Variants in NMT2 observed in about 807,000 individuals in gnomAD.
The protein encoded by NMT2 is N-myristoyltransferase 2.
NMT2 carries 35 observed loss-of-function variants against 65.4 expected under a neutral mutation model. The observed-to-expected ratio is 0.54, with a 90% CI of 0.41 to 0.71. The LOEUF is 0.71. Among genes scored for constraint, NMT2 ranks in the 30% least tolerant of loss-of-function variants. The probability of loss-of-function intolerance (pLI) is 0.00; values close to 1 mark genes in which losing one functional copy is unlikely to be tolerated. For missense variants in NMT2, 489 were observed against 611.3 expected, an observed-to-expected ratio of 0.80 and a Z score of 2.11; for synonymous variants, 226 against 231.8, an observed-to-expected ratio of 0.98 and a Z score of 0.23.
At chr10:15,130,337 T>TAAA in intron 6 of NMT2, 25 bp from the exon 7 acceptor site, 10 of 1,495,566 alleles carry the variant, frequency 6.7e-6, no homozygotes, top group Non-Finnish European at 9.0e-6. Context: ...TGGTGAAGAT[T>TAAA]AAGAGTCAAA....
intron 8 of NMT2, among the ~76,000 whole-genome samples, chr10:15,123,400 G>T (rs745456921): frequency 6.6e-6 from 1 of 151,824 alleles, no homozygotes; most frequent in Admixed American, 6.6e-5. Context: ...GTGGTGGCAC[G>T]TGGCTGTAGT....
chr10:15,138,354 T>A, intron 2 of NMT2: 1 of 471,064 alleles, frequency 2.1e-6, no homozygotes, highest in Non-Finnish European at 4.4e-6. Flanking sequence ...AAACACAATT[T>A]CCAAATCCAC....
chr10:15,162,624 G>C (rs1833237016), intron 1 of NMT2, among the ~76,000 whole-genome samples: 1 of 151,890 alleles, frequency 6.6e-6, no homozygotes, highest in African/African-American at 2.4e-5. Flanking sequence ...GGTACAGTAA[G>C]ATCCCAGCGA....
At chr10:15,166,733 A>G (rs1215692728) in intron 1 of NMT2, among the ~76,000 whole-genome samples, 1 of 152,208 alleles carries the variant, frequency 6.6e-6, no homozygotes, top group Non-Finnish European at 1.5e-5. Context: ...TCTAATATAT[A>G]AAATGTGCTG....
At chr10:15,122,620 C>T (rs1365539371) in intron 8 of NMT2, among the ~76,000 whole-genome samples, 5 of 152,114 alleles carry the variant, frequency 3.3e-5, no homozygotes, top group African/African-American at 4.8e-5. Flanking sequence ...GCAGTTTTAT[C>T]GTACTAGCCA....
rs553026176 is a variant in NMT2, at chr10:15,110,859, C to T, written c.1339-1020G>A. On this transcript the variant is annotated intron_variant, in intron 10 of 11. Transcript: ENST00000378165. Reference sequence around the variant, plus strand: ...AGGCTGGAATACAGTGGCATGATGTCGGCTCACTGCAACCTCCACCTCCCA... The same window carrying T: ...AGGCTGGAATACAGTGGCATGATGTTGGCTCACTGCAACCTCCACCTCCCA... 5.3e-5 allele frequency among the ~76,000 whole-genome samples: 8 copies of T among 152,164 alleles called. No homozygotes were observed. In the East Asian group the frequency reaches 5.8e-4, roughly 11 times the overall value.
intron 1 of NMT2, among the ~76,000 whole-genome samples, chr10:15,167,614 G>A (rs1833418452): frequency 6.6e-6 from 1 of 152,276 alleles, no homozygotes; most frequent in East Asian, 1.9e-4. Context: ...ACTTTAAAAG[G>A]ACACCAGTTT....
In NMT2 at chr10:15,128,361, T is replaced by G; in HGVS notation, c.988A>C (p.Arg330=). ...TCATTCTTACTTACATCTGGAAGTC[T>G]GTATAGCTTCATTGTTCTCTGTAAA... The part of the protein sequence containing the change: ...MTLQRTMKLY[R]LPDVTKTSGL... Residue 330 remains arginine (R), a synonymous_variant, in exon 8 of 12, where the codon AGA becomes CGA. Transcript: ENST00000378165. 1 of 1,572,320 alleles carries G rather than the reference T, an allele frequency of 6.4e-7. No homozygotes were observed. Among genetic ancestry groups the G allele is most frequent in the Non-Finnish European group, 8.7e-7 (1 of 1,143,208 alleles).
chr10:15,123,550 A>G (rs1430520536), intron 8 of NMT2, among the ~76,000 whole-genome samples: 4 of 151,974 alleles, frequency 2.6e-5, no homozygotes, highest in Admixed American at 2.0e-4. Flanking sequence ...AAAAAAAAAA[A>G]AAAAAGAAAT....
intron 8 of NMT2, among the ~76,000 whole-genome samples, chr10:15,127,403 CG>C (rs1048654044): frequency 6.7e-6 from 1 of 149,188 alleles, no homozygotes; most frequent in African/African-American, 2.5e-5. Flanking sequence ...AAAAATTAGC[CG>C]GGCATGCTGG....
intron 1 of NMT2, among the ~76,000 whole-genome samples, chr10:15,158,569 A>C (rs1322600988): frequency 1.3e-5 from 2 of 152,214 alleles, no homozygotes; most frequent in Admixed American, 6.5e-5. Flanking sequence ...GTAAGTTACA[A>C]ACACATGCAA....
chr10:15,161,619 C>G (rs1473092916), intron 1 of NMT2, among the ~76,000 whole-genome samples: 1 of 152,120 alleles, frequency 6.6e-6, no homozygotes, highest in Admixed American at 6.5e-5. Context: ...CCCGGCCTCC[C>G]AAAGTGCTGG....
intron 9 of NMT2, among the ~76,000 whole-genome samples, chr10:15,116,618 C>T (rs1845755892): frequency 6.6e-6 from 1 of 152,010 alleles, no homozygotes; most frequent in African/African-American, 2.4e-5. Flanking sequence ...CAGGGAATAT[C>T]CAACAAAAGT....
chr10:15,139,284 CTAT>C (rs1235260496), intron 2 of NMT2, among the ~76,000 whole-genome samples: 18 of 147,746 alleles, frequency 1.2e-4, no homozygotes, highest in Non-Finnish European at 2.2e-4. Context: ...ATCTATCTAT[CTAT>C]CTATCTATCC....
Position 15,168,627 on chromosome 10 carries a change from C to A in NMT2, c.-15G>T, listed in dbSNP as rs372461656. On this transcript the variant is annotated 5_prime_UTR_variant, in exon 1 of 12. Transcript: ENST00000378165. ...TCCTCCGCCATCGCGGCGGCGCTGG[C>A]TGGGGAGGCGGTGCTCGGGGCCGGG... 16 of 1,570,346 alleles carry A rather than the reference C, an allele frequency of 1.0e-5. 1 individual carries two copies. The highest frequency in any genetic ancestry group is 1.4e-5 in the Non-Finnish European group (16 of 1,165,332).
intron 8 of NMT2, among the ~76,000 whole-genome samples, chr10:15,120,260 C>T (rs1845883050): frequency 6.6e-6 from 1 of 152,256 alleles, no homozygotes; most frequent in Admixed American, 6.5e-5. Flanking sequence ...AAGTTCGAGA[C>T]CAGCCTGGCC....
intron 1 of NMT2, among the ~76,000 whole-genome samples, chr10:15,155,733 G>C (rs1456054374): frequency 6.6e-6 from 1 of 151,866 alleles, no homozygotes; most frequent in Non-Finnish European, 1.5e-5. Context: ...TTCTTATTGA[G>C]AACTTTCACC....
At chr10:15,111,227 C>T (rs1845502550) in intron 10 of NMT2, among the ~76,000 whole-genome samples, 1 of 151,810 alleles carries the variant, frequency 6.6e-6, no homozygotes, top group Non-Finnish European at 1.5e-5. Flanking sequence ...AAATAGTATG[C>T]AGGCCGGGCG....
chr10:15,164,992 T>C (rs4748147), intron 1 of NMT2, among the ~76,000 whole-genome samples: 69,474 of 151,906 alleles, frequency 0.46, 18,028 homozygotes, highest in African/African-American at 0.72. Context: ...GGTAAAATCC[T>C]GTCTCTATTA....
Sources: gnomAD v4.1 joint callset for allele counts (sites outside exome capture counted in the v4.1 genomes callset) on GRCh38, gnomAD v4.1.1 for gene constraint, MANE v1.5 for transcripts, NCBI Gene and HGNC (gene_info 2026-07-23, HGNC 2026-07-21) for gene names.